The following LDLRAD4 variants were observed in gnomAD, a reference collection of about 807,000 sequenced individuals.
The protein encoded by LDLRAD4 is low-density lipoprotein receptor class A domain-containing protein 4.
LDLRAD4 carries 5 observed loss-of-function variants against 17.0 expected under a neutral mutation model. The observed-to-expected ratio is 0.29, with a 90% CI of 0.15 to 0.62. LDLRAD4 has a LOEUF of 0.62. LDLRAD4 is among the 20% of genes least tolerant of loss of function. The probability of loss-of-function intolerance (pLI) is 0.84; values close to 1 mark genes in which losing one functional copy is unlikely to be tolerated. For synonymous variants in LDLRAD4, 168 were observed against 171.8 expected (o/e 0.98, Z 0.17); for missense variants, 340 against 424.7 (o/e 0.80, Z 1.75).
Position 13,262,500 on chromosome 18 carries a change from A to G in LDLRAD4, c.-466-15605A>G, listed in dbSNP as rs1274262661. Among the ~76,000 whole-genome samples the G allele has an allele frequency of 3.1e-3, 132 of 42,654 alleles. 1 individual carries two copies. The highest frequency in any genetic ancestry group is 0.024 in the Middle Eastern group (1 of 42). The allele number at this position is 42,654 out of a possible 152,430, so 28.0% of individuals were successfully genotyped here. On this transcript the variant is annotated intron_variant, in intron 1 of 5. Transcript: ENST00000399848. ...GAGTCCCGTGCGGCCCTGTGCGTGG[A>G]AACTGAGTCCCGTGCGGCCCTGTGC...
chr18:13,352,157 A>T (rs2083077064), intron 1 of LDLRAD4, among the ~76,000 whole-genome samples: 1 of 152,238 alleles, frequency 6.6e-6, no homozygotes, highest in Non-Finnish European at 1.5e-5. Flanking sequence ...AGCCAAAATC[A>T]TACTGAATGG....
At chr18:13,543,795 AG>A (rs1310887586) in intron 3 of LDLRAD4, among the ~76,000 whole-genome samples, 1 of 151,636 alleles carries the variant, frequency 6.6e-6, no homozygotes, top group Non-Finnish European at 1.5e-5. Flanking sequence ...TGGGAAAGTC[AG>A]TGAAACTTTC....
rs942935316 is a variant in LDLRAD4, at chr18:13,218,997, AC to A, written c.-467+11del. 4.4e-4 allele frequency: 66 copies of A among 150,870 alleles called. No individual in the cohort carries two copies. The highest frequency in any genetic ancestry group is 1.6e-3 in the African/African-American group (64 of 40,958). 9.3% of individuals were successfully genotyped at this position (150,870 alleles called of 1,614,324 possible). Reference sequence around the variant, plus strand: ...GCCTGGGGGCGCGCCCTGTGAGTACACCGGTGGAAGACAGTGGGTTCGGTTT... The same window carrying A: ...GCCTGGGGGCGCGCCCTGTGAGTACACGGTGGAAGACAGTGGGTTCGGTTT... On this transcript the variant is annotated intron_variant, in intron 1 of 5. Transcript: ENST00000399848.
rs1030559223 is a variant in LDLRAD4, at chr18:13,266,377, A to G, written c.-466-11728A>G. 3.3e-5 allele frequency among the ~76,000 whole-genome samples: 5 copies of G among 152,158 alleles called. 1 individual carries two copies. The South Asian group carries it at 8.3e-4, about 25-fold the overall frequency. On this transcript the variant is annotated intron_variant, in intron 1 of 5. Coordinates refer to the LDLRAD4 transcript ENST00000399848. ...TCCTGCACAACTCCTGGTACCTCGC[A>G]CTGGGTCCGTGGCCAGATGTGGGCA...
intron 1 of LDLRAD4, among the ~76,000 whole-genome samples, chr18:13,329,045 G>T (rs1221521467): frequency 6.6e-6 from 1 of 152,164 alleles, no homozygotes; most frequent in East Asian, 1.9e-4. Flanking sequence ...GTTTTGACTG[G>T]ATTGAATGGA....
chr18:13,303,296 A>C (rs1486777537), intron 1 of LDLRAD4, among the ~76,000 whole-genome samples: 1 of 152,168 alleles, frequency 6.6e-6, no homozygotes, highest in Non-Finnish European at 1.5e-5. Flanking sequence ...GCCCAGGCTG[A>C]AGTGCAGTGG....
chr18:13,271,316 G>A (rs946775349), intron 1 of LDLRAD4, among the ~76,000 whole-genome samples: 6 of 152,156 alleles, frequency 3.9e-5, no homozygotes, highest in African/African-American at 1.2e-4. Context: ...CTGTAGGATC[G>A]TCCATTTCTT....
intron 2 of LDLRAD4, among the ~76,000 whole-genome samples, chr18:13,434,306 T>G (rs1324647303): frequency 6.6e-6 from 1 of 151,952 alleles, no homozygotes; most frequent in Non-Finnish European, 1.5e-5. Flanking sequence ...GGAATGCCAC[T>G]TTCTTCACTT....
At chr18:13,626,215 G>A (rs545512661) in intron 4 of LDLRAD4, among the ~76,000 whole-genome samples, 1 of 152,290 alleles carries the variant, frequency 6.6e-6, no homozygotes, top group Non-Finnish European at 1.5e-5. Context: ...TTTCTTTGGA[G>A]CCTGGTTTGT....
At chr18:13,602,493 ATTTTTTTTTTT>A (rs36122294) in intron 3 of LDLRAD4, among the ~76,000 whole-genome samples, 3 of 95,000 alleles carry the variant, frequency 3.2e-5, no homozygotes, top group African/African-American at 7.8e-5. Flanking sequence ...ATGGCATTTA[ATTTTTTTTTTT>A]TTTTTTTTTT....
chr18:13,405,353 C>T (rs902020181), intron 2 of LDLRAD4, among the ~76,000 whole-genome samples: 4 of 152,074 alleles, frequency 2.6e-5, no homozygotes, highest in African/African-American at 9.7e-5. Context: ...ACACTGAACC[C>T]AGGCCCTTAA....
intron 3 of LDLRAD4, among the ~76,000 whole-genome samples, chr18:13,569,082 T>C (rs1179911876): frequency 6.6e-6 from 1 of 152,150 alleles, no homozygotes; most frequent in Admixed American, 6.5e-5. Context: ...AAAAAAATGA[T>C]TATAAGAAGC....
At chr18:13,636,551 A>C (rs2042102252) in intron 4 of LDLRAD4, among the ~76,000 whole-genome samples, 1 of 62,958 alleles carries the variant, frequency 1.6e-5, no homozygotes. Context: ...GCTGGAGTGC[A>C]GCGGCGCGAT....
chr18:13,445,522 G>T (rs2146284031), intron 3 of LDLRAD4, among the ~76,000 whole-genome samples: 2 of 151,548 alleles, frequency 1.3e-5, no homozygotes, highest in South Asian at 4.2e-4. Context: ...GTGCACGTGT[G>T]TGTATAAGAG....
At chr18:13,346,353 G>C (rs1384200333) in intron 1 of LDLRAD4, among the ~76,000 whole-genome samples, 2 of 152,186 alleles carry the variant, frequency 1.3e-5, no homozygotes, top group Admixed American at 6.5e-5. Context: ...ACATTCAGGA[G>C]CAGGTTGTTC....
At chr18:13,242,376 A>G (rs2042705324) in intron 1 of LDLRAD4, among the ~76,000 whole-genome samples, 1 of 152,210 alleles carries the variant, frequency 6.6e-6, no homozygotes, top group Admixed American at 6.5e-5. Flanking sequence ...CTTTGGTTTC[A>G]GGCCTGGAGC....
chr18:13,481,168 C>T (rs146825945), intron 3 of LDLRAD4, among the ~76,000 whole-genome samples: 180 of 152,284 alleles, frequency 1.2e-3, no homozygotes, highest in African/African-American at 4.1e-3. Context: ...GCTGTCCTCC[C>T]GTCATCTTCT....
intron 1 of LDLRAD4, among the ~76,000 whole-genome samples, chr18:13,332,107 G>A (rs1380293701): frequency 1.3e-5 from 2 of 152,108 alleles, no homozygotes; most frequent in Non-Finnish European, 2.9e-5. Flanking sequence ...TTCTTCCTGT[G>A]GAATTGAGTT....
At chr18:13,511,069 A>G (rs1206383504) in intron 3 of LDLRAD4, among the ~76,000 whole-genome samples, 2 of 152,216 alleles carry the variant, frequency 1.3e-5, no homozygotes, top group Non-Finnish European at 2.9e-5. Flanking sequence ...AGCCTGGATT[A>G]GTTCACCCAT....
Sources: gnomAD v4.1 joint callset for allele counts (sites outside exome capture counted in the v4.1 genomes callset) on GRCh38, gnomAD v4.1.1 for gene constraint, MANE v1.5 for transcripts, NCBI Gene and HGNC (gene_info 2026-07-23, HGNC 2026-07-21) for gene names.